AK9: variants seen among roughly 807,000 people sequenced by gnomAD.
The protein encoded by AK9 is adenylate kinase domain containing 1.
In AK9, 191 loss-of-function variants were observed where a neutral mutation model predicts 239.6. The observed-to-expected ratio is 0.80, with a 90% CI of 0.71 to 0.90. The LOEUF is 0.90. Ranked by LOEUF, AK9 falls within the 40% of genes least tolerant of loss-of-function variation. AK9 has a pLI of 0.00. For synonymous variants in AK9, 689 were observed against 721.0 expected, an observed-to-expected ratio of 0.96 and a Z score of 0.71; for missense variants, 1,995 against 2,214.7, an observed-to-expected ratio of 0.90 and a Z score of 1.99.
At chr6:109,666,104 T>C (rs1468913155) in intron 5 of AK9, among the ~76,000 whole-genome samples, 2 of 152,234 alleles carry the variant, frequency 1.3e-5, no homozygotes, top group African/African-American at 4.8e-5. Context: ...TTGGGCTGCC[T>C]GAATGTTCTG....
At chr6:109,539,514 T>C (rs1782548582) in intron 27 of AK9, among the ~76,000 whole-genome samples, 1 of 152,210 alleles carries the variant, frequency 6.6e-6, no homozygotes, top group Non-Finnish European at 1.5e-5. Flanking sequence ...CTAATCTTTT[T>C]TCAAAGTTTT....
intron 24 of AK9, among the ~76,000 whole-genome samples, chr6:109,557,654 C>A (rs1785169763): frequency 6.6e-6 from 1 of 152,188 alleles, no homozygotes; most frequent in Admixed American, 6.5e-5. Context: ...TGATGAATTA[C>A]TGAATGGTTT....
chr6:109,632,608 C>A (rs1464920229), intron 12 of AK9: 2 of 362,542 alleles, frequency 5.5e-6, no homozygotes, highest in Non-Finnish European at 8.4e-6. Context: ...GAAGTGAAAC[C>A]CAGGGGACAG....
intron 19 of AK9, 50 bp from the exon 20 acceptor site, chr6:109,579,676 C>T (rs1395192720): frequency 6.9e-7 from 1 of 1,441,264 alleles, no homozygotes; most frequent in Admixed American, 2.0e-5. Flanking sequence ...TCAGACTTCT[C>T]ACACTATTAC....
At chr6:109,528,394 G>C in intron 29 of AK9, 1 of 370,274 alleles carries the variant, frequency 2.7e-6, no homozygotes, top group South Asian at 2.0e-5. Context: ...ATTTGAAACA[G>C]TGTCAGACAC....
intron 27 of AK9, among the ~76,000 whole-genome samples, chr6:109,539,268 A>G (rs9384711): frequency 0.21 from 31,596 of 152,096 alleles, 3,470 homozygotes; most frequent in South Asian, 0.34. Flanking sequence ...GTCTTTTCAC[A>G]TAGTCCCATA....
chr6:109,531,469 T>C (rs751694202), intron 28 of AK9, among the ~76,000 whole-genome samples: 44 of 152,096 alleles, frequency 2.9e-4, no homozygotes, highest in Non-Finnish European at 5.3e-4. Context: ...TGTGGCTTCA[T>C]TGCCCTACAG....
intron 17 of AK9, among the ~76,000 whole-genome samples, chr6:109,603,567 T>C (rs1475541061): frequency 6.6e-6 from 1 of 152,170 alleles, no homozygotes; most frequent in African/African-American, 2.4e-5. Flanking sequence ...TCTGAAACTC[T>C]GTGCTGGGAG....
chr6:109,605,662 T>C (rs1407842717), intron 17 of AK9, among the ~76,000 whole-genome samples: 1 of 151,952 alleles, frequency 6.6e-6, no homozygotes, highest in African/African-American at 2.4e-5. Flanking sequence ...GGAAAAGAGG[T>C]GGCTTGAAAG....
intron 3 of AK9, among the ~76,000 whole-genome samples, chr6:109,673,558 CTT>C (rs1463355263): frequency 6.6e-6 from 1 of 151,568 alleles, no homozygotes; most frequent in African/African-American, 2.4e-5. Context: ...AACCCATTCT[CTT>C]ATATATTGCA....
At chr6:109,499,891 G>A (rs764535631) in intron 35 of AK9, among the ~76,000 whole-genome samples, 3 of 152,100 alleles carry the variant, frequency 2.0e-5, no homozygotes, top group South Asian at 2.1e-4. Flanking sequence ...TGAGCCTTCC[G>A]TGCCTGGCCA....
chr6:109,521,191 G>GT (rs1365934568), intron 29 of AK9, among the ~76,000 whole-genome samples: 1 of 151,962 alleles, frequency 6.6e-6, no homozygotes, highest in Non-Finnish European at 1.5e-5. Flanking sequence ...AAAAATGTGT[G>GT]TTTTTTCTAT....
chr6:109,543,555 C>T (rs1783155676), intron 26 of AK9, among the ~76,000 whole-genome samples: 1 of 152,012 alleles, frequency 6.6e-6, no homozygotes, highest in African/African-American at 2.4e-5. Flanking sequence ...TCAAGTGATT[C>T]TCCTGCCTTA....
Position 109,644,672 on chromosome 6 carries a change from T to C in AK9, c.776A>G (p.His259Arg), listed in dbSNP as rs777892546. The stretch of plus-strand genomic sequence containing the variant: ...TAGCTCAATGAGATACTGGGGATTG[T>C]GTTCAGCCATTACTTCCTGCAGATA... ...LQTLEEVMAEHNPQYLIELNG... is the reference protein window; with the variant it reads ...LQTLEEVMAERNPQYLIELNG... Residue 259 changes from histidine (H) to arginine (R), a missense_variant, in exon 9 of 41, where the codon CAC becomes CGC. Around this residue, in one of 5 missense-constraint regions of AK9, gnomAD observed 1,290 missense variants for 1,392.7 expected, o/e 0.93. Coordinates refer to ENST00000424296, the MANE Select transcript of AK9 (RefSeq NM_001145128.3). The C allele has an allele frequency of 6.2e-7, 1 of 1,612,390 alleles. No individual in the cohort carries two copies. Among genetic ancestry groups the C allele is most frequent in the South Asian group, 1.1e-5 (1 of 90,810 alleles).
intron 12 of AK9, among the ~76,000 whole-genome samples, chr6:109,624,655 T>A (rs910044182): frequency 1.3e-5 from 2 of 152,156 alleles, no homozygotes; most frequent in African/African-American, 4.8e-5. Flanking sequence ...TTGCCCCCAT[T>A]GTCTTATAAT....
intron 8 of AK9, among the ~76,000 whole-genome samples, chr6:109,655,073 T>C (rs1799493967): frequency 6.6e-6 from 1 of 152,212 alleles, no homozygotes; most frequent in Non-Finnish European, 1.5e-5. Flanking sequence ...ACTAGGGCAA[T>C]GAATTCTTAT....
rs756376442 is a variant in AK9, at chr6:109,659,292, T to C, written c.566A>G (p.Lys189Arg). The change falls in exon 7 of 41, where the codon AAA (lysine) becomes AGA (arginine). Residue 189 changes from lysine to arginine, a missense_variant. By Grantham distance (26) the Lys-to-Arg change is conservative (BLOSUM62 2). This residue lies in a region of AK9 where 252 missense variants were observed against 246.4 expected (regional missense o/e 1.02). Transcript: ENST00000424296. ...TCCTTTTCCGTCCTTTTGGGCTTCT[T>C]TCTTCTTTTTCCTATGATTCTCAAT... The part of the protein sequence containing the change: ...EVIENHRKKK[K>R]EAQKDGKGEE... 1.4e-5 allele frequency: 22 copies of C among 1,606,754 alleles called. No homozygotes were observed. Among genetic ancestry groups the C allele is most frequent in the Non-Finnish European group, 1.6e-5 (19 of 1,178,236 alleles).
At chr6:109,670,590 G>A (rs1399628212) in intron 5 of AK9, among the ~76,000 whole-genome samples, 2 of 151,858 alleles carry the variant, frequency 1.3e-5, no homozygotes, top group Non-Finnish European at 2.9e-5. Context: ...GAGTTTCTTC[G>A]TGTTGTTTTT....
At chr6:109,523,765 A>G (rs1056779206) in intron 29 of AK9, among the ~76,000 whole-genome samples, 1 of 152,154 alleles carries the variant, frequency 6.6e-6, no homozygotes, top group Non-Finnish European at 1.5e-5. Flanking sequence ...AATTTGTCCA[A>G]GACTCTGGCT....
Sources: gnomAD v4.1 joint callset for allele counts (sites outside exome capture counted in the v4.1 genomes callset) on GRCh38, gnomAD v4.1.1 for gene constraint, gnomAD v4.1.1 regional missense constraint, MANE v1.5 for transcripts, NCBI Gene and HGNC (gene_info 2026-07-23, HGNC 2026-07-21) for gene names.